PDZRN4: variants seen among roughly 807,000 people sequenced by gnomAD.
PDZRN4 encodes PDZ domain containing ring finger 4.
A neutral mutation model predicts 99.0 loss-of-function variants in PDZRN4; 70 were observed. The ratio of observed to expected loss-of-function variants is 0.71; its 90% confidence interval spans 0.58 to 0.86. The LOEUF (loss-of-function observed/expected upper bound fraction) is 0.86, where lower values mean the gene tolerates loss of function less well. PDZRN4 is among the 40% of genes least tolerant of loss of function. The pLI is 0.00. For synonymous variants in PDZRN4, 551 were observed against 501.6 expected (o/e 1.10, Z -1.32); for missense variants, 1,474 against 1,331.2 (o/e 1.11, Z -1.67).
intron 2 of PDZRN4, among the ~76,000 whole-genome samples, 187 bp from the exon 3 acceptor site, chr12:41,193,894 T>C (rs1479386579): frequency 6.6e-6 from 1 of 152,184 alleles, no homozygotes; most frequent in Non-Finnish European, 1.5e-5. Flanking sequence ...CCTGGACTCA[T>C]TCATTAAAAC....
At chr12:41,459,870 A>T (rs1361897130) in intron 3 of PDZRN4, 12 of 1,079,226 alleles carry the variant, frequency 1.1e-5, no homozygotes, top group East Asian at 6.4e-5. Flanking sequence ...AATTAACATT[A>T]GTTTAAAAAA....
intron 3 of PDZRN4, among the ~76,000 whole-genome samples, chr12:41,246,693 T>C (rs540837025): frequency 1.3e-5 from 2 of 152,204 alleles, no homozygotes; most frequent in Admixed American, 6.5e-5. Flanking sequence ...ATGTTCTTTA[T>C]CTTATGAACC....
chr12:41,378,953 AC>A (rs1263904538), intron 3 of PDZRN4, among the ~76,000 whole-genome samples: 1 of 152,226 alleles, frequency 6.6e-6, no homozygotes, highest in Non-Finnish European at 1.5e-5. Context: ...GGCAAAGTTC[AC>A]ATGTGTAGTA....
At chr12:41,533,940 C>T (rs1344914643) in intron 5 of PDZRN4, among the ~76,000 whole-genome samples, 1 of 151,464 alleles carries the variant, frequency 6.6e-6, no homozygotes, top group Non-Finnish European at 1.5e-5. Context: ...AATTTTTTTT[C>T]TCTCTGTTGA....
intron 3 of PDZRN4, among the ~76,000 whole-genome samples, chr12:41,356,666 A>C (rs935357157): frequency 1.3e-5 from 2 of 151,916 alleles, no homozygotes; most frequent in African/African-American, 4.8e-5. Flanking sequence ...ACCAGTGTGC[A>C]CACTTTTGGG....
chr12:41,318,197 A>G (rs952739213), intron 3 of PDZRN4, among the ~76,000 whole-genome samples: 16 of 152,154 alleles, frequency 1.1e-4, no homozygotes, highest in Admixed American at 2.0e-4. Flanking sequence ...ATCAGTTTTC[A>G]GAAGATAATC....
At chr12:41,416,901 C>T (rs1227963210) in intron 3 of PDZRN4, among the ~76,000 whole-genome samples, 1 of 152,102 alleles carries the variant, frequency 6.6e-6, no homozygotes, top group Non-Finnish European at 1.5e-5. Context: ...CAGAACACTA[C>T]CTTAATACTC....
At chr12:41,212,588 A>G (rs1198153013) in intron 3 of PDZRN4, among the ~76,000 whole-genome samples, 6 of 152,026 alleles carry the variant, frequency 3.9e-5, no homozygotes, top group Admixed American at 2.0e-4. Context: ...AGCTTTTGCT[A>G]TGAGCCAGCT....
chr12:41,571,925 GA>G (rs1181644903), intron 9 of PDZRN4, among the ~76,000 whole-genome samples: 1 of 152,162 alleles, frequency 6.6e-6, no homozygotes, highest in Non-Finnish European at 1.5e-5. Flanking sequence ...TACTTAAGGG[GA>G]AAAACATAAG....
At chr12:41,345,437 A>T (rs1336683091) in intron 3 of PDZRN4, among the ~76,000 whole-genome samples, 4 of 152,210 alleles carry the variant, frequency 2.6e-5, no homozygotes, top group African/African-American at 9.6e-5. Flanking sequence ...GAACTAAGGC[A>T]TCAGGAGGAG....
At chr12:41,424,217 G>A (rs1183132418) in intron 3 of PDZRN4, among the ~76,000 whole-genome samples, 1 of 152,130 alleles carries the variant, frequency 6.6e-6, no homozygotes, top group Non-Finnish European at 1.5e-5. Context: ...CAGTTAAAAT[G>A]CAAACTTCCT....
intron 5 of PDZRN4, among the ~76,000 whole-genome samples, chr12:41,514,720 A>T (rs529127129): frequency 6.6e-6 from 1 of 152,078 alleles, no homozygotes; most frequent in East Asian, 1.9e-4. Flanking sequence ...CCTCTTTTCC[A>T]TACAAAGGGA....
rs187681605 is a variant in PDZRN4 at position 41,502,286 on chromosome 12, C to T, written c.844-4170C>T. ...ACAAATCAGTCTGAGCCACAGCTAT[C>T]GAAACGCCAGAAGTTATGGCAATAG... On this transcript the variant is annotated intron_variant, in intron 3 of 9. Transcript: ENST00000402685. Among the ~76,000 whole-genome samples, 4 of 152,176 alleles carry T rather than the reference C, an allele frequency of 2.6e-5. No homozygotes were observed. The East Asian group carries it at 5.8e-4, about 22-fold the overall frequency.
intron 3 of PDZRN4, among the ~76,000 whole-genome samples, chr12:41,389,839 T>C (rs886660005): frequency 6.6e-6 from 1 of 152,204 alleles, no homozygotes; most frequent in Non-Finnish European, 1.5e-5. Context: ...ATCAGACATT[T>C]CCACTTGTGG....
chr12:41,379,763 C>A (rs1272458585), intron 3 of PDZRN4, among the ~76,000 whole-genome samples: 2 of 151,544 alleles, frequency 1.3e-5, no homozygotes, highest in African/African-American at 2.4e-5. Context: ...GTTTTGGGAT[C>A]TAACATATGA....
At chr12:41,220,556 A>G (rs1249902072) in intron 3 of PDZRN4, among the ~76,000 whole-genome samples, 3 of 152,160 alleles carry the variant, frequency 2.0e-5, no homozygotes, top group Non-Finnish European at 4.4e-5. Context: ...GCACTCAGTA[A>G]CATGATTTTA....
chr12:41,300,571 G>A (rs957607516), intron 3 of PDZRN4, among the ~76,000 whole-genome samples: 3 of 151,388 alleles, frequency 2.0e-5, no homozygotes, highest in Non-Finnish European at 4.4e-5. Context: ...TTTCCCTTGT[G>A]GTCATTATCT....
chr12:41,503,412 G>A, intron 3 of PDZRN4, among the ~76,000 whole-genome samples: 1 of 152,036 alleles, frequency 6.6e-6, no homozygotes, highest in African/African-American at 2.4e-5. Flanking sequence ...GAATGTATAG[G>A]TCATATAATA....
chr12:41,494,774 T>C (rs1270383606), intron 3 of PDZRN4, among the ~76,000 whole-genome samples: 1 of 152,158 alleles, frequency 6.6e-6, no homozygotes, highest in Non-Finnish European at 1.5e-5. Context: ...CTTTCTACTG[T>C]GATTTCATGT....
Sources: allele counts gnomAD v4.1 joint callset (sites outside exome capture counted in the v4.1 genomes callset), GRCh38; gene constraint gnomAD v4.1.1; transcripts MANE v1.5; gene names NCBI Gene and HGNC (gene_info 2026-07-23, HGNC 2026-07-21).